Variants in ACACA observed in about 807,000 individuals in gnomAD.
ACACA encodes acetyl-CoA carboxylase 1.
In ACACA, 103 loss-of-function variants were observed where a neutral mutation model predicts 296.1. The observed-to-expected ratio is 0.35, with a 90% CI of 0.30 to 0.41. The LOEUF (loss-of-function observed/expected upper bound fraction) is 0.41, where lower values mean the gene tolerates loss of function less well. ACACA is among the 10% of genes least tolerant of loss of function. ACACA has a pLI of 1.00. For missense variants in ACACA, 1,554 were observed against 2,989.7 expected, an observed-to-expected ratio of 0.52 and a Z score of 11.20; for synonymous variants, 953 against 1,038.6, an observed-to-expected ratio of 0.92 and a Z score of 1.58.
At chr17:37,184,366 A>G (rs994767005) in intron 39 of ACACA, among the ~76,000 whole-genome samples, 1 of 152,212 alleles carries the variant, frequency 6.6e-6, no homozygotes, top group African/African-American at 2.4e-5. Context: ...TGAAATAGAA[A>G]TGAAAACAGT....
intron 4 of ACACA, 40 bp from the exon 5 acceptor site, chr17:37,283,445 G>GA (rs769082257): frequency 1.9e-6 from 3 of 1,609,336 alleles, no homozygotes; most frequent in East Asian, 2.2e-5. Context: ...AGAAAAGGCA[G>GA]AAAAAAGCAA....
chr17:37,342,636 C>G (rs1248366022), intron 1 of ACACA, among the ~76,000 whole-genome samples: 1 of 151,450 alleles, frequency 6.6e-6, no homozygotes, highest in Non-Finnish European at 1.5e-5. Context: ...AAGCTAATTA[C>G]AGCTAATGTA....
At chr17:37,306,457 AAT>A (rs1166392932) in intron 3 of ACACA, among the ~76,000 whole-genome samples, 3 of 152,050 alleles carry the variant, frequency 2.0e-5, no homozygotes, top group Non-Finnish European at 2.9e-5. Context: ...ATGCAAAATT[AAT>A]ATATATATAG....
At chr17:37,115,948 T>C (rs1037438611) in intron 50 of ACACA, among the ~76,000 whole-genome samples, 2 of 152,170 alleles carry the variant, frequency 1.3e-5, no homozygotes, top group African/African-American at 4.8e-5. Context: ...CTAGATCTTG[T>C]TGGCCCTAAT....
At chr17:37,248,395 G>A (rs2080818831) in intron 17 of ACACA, among the ~76,000 whole-genome samples, 198 bp downstream of exon 17, 1 of 152,182 alleles carries the variant, frequency 6.6e-6, no homozygotes, top group Non-Finnish European at 1.5e-5. Flanking sequence ...TCTCTTGGCA[G>A]TGTATGTGAA....
chr17:37,390,175 T>TATATATATATATATAC (rs60788220), intron 1 of ACACA, among the ~76,000 whole-genome samples: 4 of 44,510 alleles, frequency 9.0e-5, no homozygotes, highest in African/African-American at 4.7e-4. Flanking sequence ...TATATATATA[T>TATATATATATATATAC]ACACACACAC....
At chr17:37,142,482 T>C (rs1206490790) in intron 45 of ACACA, among the ~76,000 whole-genome samples, 1 of 152,270 alleles carries the variant, frequency 6.6e-6, no homozygotes, top group Admixed American at 6.5e-5. Flanking sequence ...GATCTGTCCA[T>C]TGTGCAATAA....
chr17:37,207,695 G>A lies in ACACA; in HGVS notation c.3813C>T (p.Gly1271=), dbSNP rs761999661. ...NSFTPPCQRM[G]GMVSFRTFED... is the part of the protein sequence containing the mutation. ...CAAAAGTCCGAAAAGAGACCATTCC[G>A]CCCATCCGCTGACAAGGTGGAGTGA... Residue 1271 remains glycine, a synonymous_variant, in exon 31 of 56, where the codon GGC becomes GGT. Transcript: ENST00000616317. 8.7e-6 allele frequency: 14 copies of A among 1,614,012 alleles called. No homozygotes were observed. The highest frequency in any genetic ancestry group is 1.3e-5 in the African/African-American group (1 of 75,024).
chr17:37,288,128 C>G (rs1184524446), intron 3 of ACACA, among the ~76,000 whole-genome samples: 1 of 152,170 alleles, frequency 6.6e-6, no homozygotes, highest in Admixed American at 6.5e-5. Flanking sequence ...TGCAACATAT[C>G]TAATGATAAT....
chr17:37,367,186 A>C (rs1416649561), intron 1 of ACACA: 2 of 151,420 alleles, frequency 1.3e-5, no homozygotes, highest in Non-Finnish European at 1.5e-5. Context: ...TTATCAGTGG[A>C]CCTATTGTGC....
At position 37,245,064 on chromosome 17, in the gene ACACA, G is replaced by C. The variant is rs767828807; in HGVS notation, c.2595+16C>G. 17 of 1,614,032 alleles carry C rather than the reference G, an allele frequency of 1.1e-5. No homozygotes were observed. Among genetic ancestry groups the C allele is most frequent in the East Asian group, 4.5e-5 (2 of 44,902 alleles). On this transcript the variant is annotated intron_variant, in intron 20 of 55. Transcript: ENST00000616317. ...TAGCTCTTAGAGAGCAATATTCGGA[G>C]CACCTTCCTACTCACCTGCTGAACC...
At chr17:37,306,132 T>C (rs1042847659) in intron 3 of ACACA, among the ~76,000 whole-genome samples, 2 of 151,944 alleles carry the variant, frequency 1.3e-5, no homozygotes. Flanking sequence ...ATGGTCTCAA[T>C]CTCCTGACCT....
chr17:37,114,364 C>G (rs1245135257), intron 50 of ACACA, among the ~76,000 whole-genome samples: 6 of 151,766 alleles, frequency 4.0e-5, no homozygotes, highest in Non-Finnish European at 7.4e-5. Flanking sequence ...GAGACCCTAT[C>G]TCTACAAAAA....
intron 21 of ACACA, 72 bp from the exon 22 acceptor site, chr17:37,243,631 C>CACGCCTGTA: frequency 6.6e-7 from 1 of 1,514,208 alleles, no homozygotes; most frequent in Non-Finnish European, 9.2e-7. Context: ...ATATAGTTGT[C>CACGCCTGTA]ATTCTGTATA....
intron 3 of ACACA, among the ~76,000 whole-genome samples, chr17:37,308,166 T>C (rs1032440893): frequency 1.6e-4 from 24 of 152,178 alleles, no homozygotes; most frequent in African/African-American, 5.1e-4. Flanking sequence ...TAAAAATCAA[T>C]AACAAAGGTA....
At chr17:37,123,806 T>C (rs1318731743) in intron 48 of ACACA, among the ~76,000 whole-genome samples, 1 of 152,212 alleles carries the variant, frequency 6.6e-6, no homozygotes, top group East Asian at 1.9e-4. Context: ...AACTGGAAAC[T>C]TGTAATTGCA....
chr17:37,260,808 TA>T (rs1454762952), intron 11 of ACACA, among the ~76,000 whole-genome samples: 2 of 152,046 alleles, frequency 1.3e-5, no homozygotes, highest in Non-Finnish European at 2.9e-5. Flanking sequence ...TCTCGTGGAA[TA>T]AAACACTTCC....
chr17:37,265,506 G>T (rs1042779440), intron 10 of ACACA, among the ~76,000 whole-genome samples: 5 of 152,074 alleles, frequency 3.3e-5, no homozygotes, highest in Non-Finnish European at 5.9e-5. Flanking sequence ...TTGATCCAAA[G>T]ACCTGGGAAC....
intron 52 of ACACA, among the ~76,000 whole-genome samples, chr17:37,100,790 A>T (rs1212871055): frequency 1.3e-5 from 2 of 152,172 alleles, no homozygotes; most frequent in Non-Finnish European, 2.9e-5. Flanking sequence ...ATACACACTA[A>T]TATTTATGAA....
Sources: gnomAD v4.1 joint callset for allele counts (sites outside exome capture counted in the v4.1 genomes callset) on GRCh38, gnomAD v4.1.1 for gene constraint, MANE v1.5 for transcripts, NCBI Gene and HGNC (gene_info 2026-07-23, HGNC 2026-07-21) for gene names.